Variants in DCBLD2 observed in about 807,000 individuals in gnomAD.
DCBLD2 encodes the protein discoidin, CUB and LCCL domain-containing protein 2.
Under a neutral mutation model 86.8 loss-of-function variants are expected in DCBLD2, and 54 were observed. The ratio of observed to expected loss-of-function variants is 0.62; its 90% CI spans 0.50 to 0.78. The LOEUF is 0.78. DCBLD2 is among the 30% of genes least tolerant of loss of function. The pLI, the probability that DCBLD2 is intolerant of heterozygous loss-of-function variation, is 0.00. For synonymous variants in DCBLD2, 354 were observed against 341.3 expected (o/e 1.04, Z -0.41); for missense variants, 908 against 954.2 (o/e 0.95, Z 0.64).
At chr3:98,853,768 AT>A (rs1370490660) in intron 2 of DCBLD2, among the ~76,000 whole-genome samples, 1 of 152,206 alleles carries the variant, frequency 6.6e-6, no homozygotes, top group Non-Finnish European at 1.5e-5. Context: ...GAGAAATCTT[AT>A]TTATGTTCTC....
chr3:98,800,725 T>G lies in DCBLD2; in HGVS notation c.1721-9A>C. On this transcript the variant is annotated splice_polypyrimidine_tract_variant and intron_variant, in intron 14 of 15. Coordinates refer to ENST00000326840, the MANE Select transcript of DCBLD2 (RefSeq NM_080927.4). ...CATTCCTTTCCACCAACCTTCATTG[T>G]GACGGCAAGCCAAAGAGACCATTAA... is the stretch of plus-strand genomic sequence containing the variant. The G allele has an allele frequency of 6.2e-7, 1 of 1,613,870 alleles. No individual in the cohort carries two copies. The highest frequency in any genetic ancestry group is 2.2e-5 in the East Asian group (1 of 44,882).
At chr3:98,845,205 G>A (rs1345544493) in intron 3 of DCBLD2, among the ~76,000 whole-genome samples, 3 of 152,030 alleles carry the variant, frequency 2.0e-5, no homozygotes, top group Non-Finnish European at 4.4e-5. Flanking sequence ...ATTGCTCAAA[G>A]ATCATTAAAA....
At position 98,799,529 on chromosome 3, in the gene DCBLD2, C is replaced by T. The variant is rs749908827; in HGVS notation, c.2171G>A (p.Ser724Asn). The part of the protein sequence containing the change: ...TYNTLLSRTD[S>N]CSSAQAQYDT... ...ATACTGGGCCTGGGCTGAGGAGCAG[C>T]TGTCAGTCCTGGAGAGAAGTGTATT... The change falls in exon 16 of 16, where the codon AGC becomes AAC. Residue 724 changes from serine (S) to asparagine (N), a missense_variant. Ser to Asn is a conservative substitution (Grantham distance 46, BLOSUM62 1). This residue lies in a region of DCBLD2 where 606 missense variants were observed against 678.5 expected (regional missense o/e 0.89). Transcript: ENST00000326840. The T allele has an allele frequency of 3.7e-6, 6 of 1,613,866 alleles. No individual in the cohort carries two copies.
chr3:98,862,253 G>A (rs530201707), intron 2 of DCBLD2, among the ~76,000 whole-genome samples: 1 of 152,126 alleles, frequency 6.6e-6, no homozygotes, highest in African/African-American at 2.4e-5. Context: ...AAAAAGTCCA[G>A]GACCAGACAG....
In DCBLD2 at chr3:98,821,843, C is replaced by T. The variant is rs997762704; in HGVS notation, c.830+385G>A. Among the ~76,000 whole-genome samples the T allele has an allele frequency of 3.3e-4, 50 of 152,084 alleles. No homozygotes were observed. The Middle Eastern group carries it at 0.01, about 31-fold the overall frequency. ...CGGGTGGATCACGAGGTCAGGAGTT[C>T]GAGAGCAGCCTGGCCAACATGGTGA... is the stretch of plus-strand genomic sequence containing the variant. On this transcript the variant is annotated intron_variant, in intron 6 of 15. Coordinates refer to ENST00000326840, the MANE Select transcript of DCBLD2 (RefSeq NM_080927.4).
intron 2 of DCBLD2, among the ~76,000 whole-genome samples, chr3:98,866,050 T>A (rs1311579212): frequency 6.6e-6 from 1 of 152,160 alleles, no homozygotes; most frequent in Middle Eastern, 3.2e-3. Context: ...CATCATTTTT[T>A]ATGGCTGCAT....
chr3:98,830,138 C>T (rs1942294885), intron 3 of DCBLD2, among the ~76,000 whole-genome samples: 2 of 151,852 alleles, frequency 1.3e-5, no homozygotes, highest in South Asian at 4.2e-4. Context: ...GGATATCAGA[C>T]CTTTGCCAGA....
intron 2 of DCBLD2, among the ~76,000 whole-genome samples, chr3:98,869,614 C>T (rs1943222581): frequency 6.6e-6 from 1 of 152,184 alleles, no homozygotes; most frequent in Admixed American, 6.5e-5. Flanking sequence ...GGCTTGCTGC[C>T]AGCGCTCATT....
chr3:98,824,896 G>A (rs948371267), intron 4 of DCBLD2, among the ~76,000 whole-genome samples: 15 of 152,094 alleles, frequency 9.9e-5, no homozygotes, highest in African/African-American at 3.1e-4. Flanking sequence ...AAGTTGTCTA[G>A]GCAAGAGACA....
chr3:98,816,932 C>T (rs1257296938), intron 9 of DCBLD2, among the ~76,000 whole-genome samples: 1 of 152,082 alleles, frequency 6.6e-6, no homozygotes, highest in Non-Finnish European at 1.5e-5. Context: ...CAGGCATGCG[C>T]CACCATGCCT....
At chr3:98,839,127 CT>C (rs1264895435) in intron 3 of DCBLD2, among the ~76,000 whole-genome samples, 10 of 20,936 alleles carry the variant, frequency 4.8e-4, no homozygotes, top group Admixed American at 8.3e-4. Flanking sequence ...CTTTTTCTTT[CT>C]TTCCTTCCTT....
At chr3:98,870,735 G>GA (rs1172879709) in intron 2 of DCBLD2, among the ~76,000 whole-genome samples, 1 of 60,186 alleles carries the variant, frequency 1.7e-5, no homozygotes, top group African/African-American at 6.9e-5. Context: ...AGAAAAGAAA[G>GA]AAAAAGAAAG....
At chr3:98,847,999 TG>T (rs1559784843) in intron 3 of DCBLD2, among the ~76,000 whole-genome samples, 1 of 152,164 alleles carries the variant, frequency 6.6e-6, no homozygotes, top group East Asian at 1.9e-4. Context: ...CTTTTAAGTT[TG>T]GGGTACATGT....
intron 9 of DCBLD2, among the ~76,000 whole-genome samples, chr3:98,817,559 TCAC>T (rs1942044969): frequency 6.6e-6 from 1 of 152,144 alleles, no homozygotes; most frequent in African/African-American, 2.4e-5. Context: ...AGAAAAGTAC[TCAC>T]CGTTACAATC....
chr3:98,800,933 C>CAAAT (rs1941707407), intron 14 of DCBLD2, among the ~76,000 whole-genome samples: 1 of 151,008 alleles, frequency 6.6e-6, no homozygotes, highest in Admixed American at 6.6e-5. Flanking sequence ...CACATGCAGG[C>CAAAT]AAATCACTGT....
chr3:98,841,820 T>C (rs377441324), intron 3 of DCBLD2, among the ~76,000 whole-genome samples: 2 of 152,252 alleles, frequency 1.3e-5, no homozygotes, highest in African/African-American at 2.4e-5. Flanking sequence ...CCCAGCACTT[T>C]GGGAGGCCGA....
chr3:98,866,416 A>G (rs978311716), intron 2 of DCBLD2, among the ~76,000 whole-genome samples: 2 of 152,242 alleles, frequency 1.3e-5, no homozygotes, highest in African/African-American at 4.8e-5. Context: ...CTGGTGTGAG[A>G]TGGTATCTCA....
intron 9 of DCBLD2, chr3:98,813,915 C>G (rs889978625): frequency 1.3e-5 from 2 of 152,144 alleles, no homozygotes; most frequent in Non-Finnish European, 2.9e-5. Context: ...GACAGGGCAG[C>G]AACTTGACTC....
chr3:98,831,949 A>AT (rs1942331633), intron 3 of DCBLD2, among the ~76,000 whole-genome samples: 1 of 152,158 alleles, frequency 6.6e-6, no homozygotes, highest in African/African-American at 2.4e-5. Flanking sequence ...GTAGAGGTCT[A>AT]TTAGATACAT....
Sources: allele counts gnomAD v4.1 joint callset (sites outside exome capture counted in the v4.1 genomes callset), GRCh38; gene constraint gnomAD v4.1.1; regional missense constraint gnomAD v4.1.1; transcripts MANE v1.5; gene names NCBI Gene and HGNC (gene_info 2026-07-23, HGNC 2026-07-21).